The following EPB41 variants were observed in gnomAD, a reference collection of about 807,000 sequenced individuals.
The protein encoded by EPB41 is protein 4.1.
EPB41 carries 65 observed loss-of-function variants against 108.0 expected under a neutral mutation model. The ratio of observed to expected loss-of-function variants is 0.60; its 90% confidence interval spans 0.49 to 0.74. EPB41 has a LOEUF of 0.74. EPB41 is among the 30% of genes least tolerant of loss of function. The pLI is 0.00. For synonymous variants in EPB41, 336 were observed against 358.9 expected, an observed-to-expected ratio of 0.94 and a Z score of 0.72; for missense variants, 875 against 1,037.0, an observed-to-expected ratio of 0.84 and a Z score of 2.15.
intron 1 of EPB41, among the ~76,000 whole-genome samples, chr1:28,944,473 C>T (rs1170275839): frequency 6.6e-6 from 1 of 151,856 alleles, no homozygotes; most frequent in African/African-American, 2.4e-5. Context: ...TCTCACATAC[C>T]CCATAAATAT....
chr1:28,947,406 C>T (rs112996674), intron 1 of EPB41, among the ~76,000 whole-genome samples: 81 of 103,444 alleles, frequency 7.8e-4, no homozygotes, highest in African/African-American at 3.0e-3. Context: ...GACTCCGTCT[C>T]AGACAAACAA....
At chr1:29,011,716 A>G (rs966403352) in intron 4 of EPB41, 149 bp from the exon 5 acceptor site, 17 of 852,636 alleles carry the variant, frequency 2.0e-5, no homozygotes, top group South Asian at 9.2e-5. Flanking sequence ...CAAAATCACT[A>G]TGCTTTGTGA....
At chr1:29,109,063 T>G (rs1668265463) in intron 17 of EPB41, among the ~76,000 whole-genome samples, 1 of 151,734 alleles carries the variant, frequency 6.6e-6, no homozygotes, top group Non-Finnish European at 1.5e-5. Flanking sequence ...CCCGGTGTGG[T>G]GGTGCATGCC....
At chr1:28,934,538 A>G (rs892710413) in intron 1 of EPB41, among the ~76,000 whole-genome samples, 1 of 152,166 alleles carries the variant, frequency 6.6e-6, no homozygotes, top group Admixed American at 6.6e-5. Context: ...GTGTGGAGTC[A>G]TACTGATATG....
intron 11 of EPB41, among the ~76,000 whole-genome samples, chr1:29,043,116 CAAA>C (rs1642117744): frequency 1.3e-5 from 2 of 152,158 alleles, no homozygotes; most frequent in Non-Finnish European, 2.9e-5. Flanking sequence ...TCATTGGAAA[CAAA>C]GAAGAATAAA....
chr1:28,900,246 C>T lies in EPB41; in HGVS notation c.-8+13036C>T, dbSNP rs190407111. 4.0e-5 allele frequency among the ~76,000 whole-genome samples: 6 copies of T among 151,788 alleles called. No individual in the cohort carries two copies. In the East Asian group the frequency reaches 7.8e-4, roughly 20 times the overall value. On this transcript the variant is annotated intron_variant, in intron 1 of 16. Transcript: ENST00000347529. ...AGCAGAAAGGTGGAGTCAGACAGAG[C>T]TGCCTATTCTAGCTGTGTGATGTGG...
intron 4 of EPB41, among the ~76,000 whole-genome samples, chr1:29,004,858 G>A (rs2096370898): frequency 1.3e-5 from 2 of 152,138 alleles, no homozygotes; most frequent in Non-Finnish European, 2.9e-5. Context: ...CTTGAGTTAA[G>A]ACAGATAGAC....
chr1:28,980,172 C>G (rs1357534397), intron 1 of EPB41, among the ~76,000 whole-genome samples: 1 of 151,248 alleles, frequency 6.6e-6, no homozygotes, highest in Non-Finnish European at 1.5e-5. Context: ...CATCTGTCCC[C>G]AAAATACAAA....
intron 4 of EPB41, among the ~76,000 whole-genome samples, chr1:29,007,037 G>C (rs1165868341): frequency 1.3e-5 from 2 of 151,948 alleles, no homozygotes; most frequent in African/African-American, 4.8e-5. Context: ...CATTCATTAT[G>C]ATGTTTTTGA....
At chr1:29,045,141 C>T (rs1223872128) in intron 11 of EPB41, among the ~76,000 whole-genome samples, 1 of 152,098 alleles carries the variant, frequency 6.6e-6, no homozygotes, top group Non-Finnish European at 1.5e-5. Flanking sequence ...CTAAAAAAGT[C>T]TTAATACTTT....
chr1:28,894,819 C>A (rs1039267251), intron 1 of EPB41, among the ~76,000 whole-genome samples: 22 of 152,200 alleles, frequency 1.4e-4, no homozygotes, highest in African/African-American at 5.3e-4. Flanking sequence ...CATTTGGTAA[C>A]TTCCCAGCCC....
At chr1:28,892,924 C>T (rs375483760) in intron 1 of EPB41, among the ~76,000 whole-genome samples, 5 of 151,202 alleles carry the variant, frequency 3.3e-5, no homozygotes, top group East Asian at 3.9e-4. Context: ...GTGCCTTAGC[C>T]TCCTGAGTAG....
chr1:29,011,732 A>T, intron 4 of EPB41, 133 bp from the exon 5 acceptor site: 1 of 983,432 alleles, frequency 1.0e-6, no homozygotes, highest in Non-Finnish European at 1.5e-6. Flanking sequence ...TGTGAAATTA[A>T]TGCAAAGACT....
chr1:28,918,686 C>T (rs1316830551), intron 1 of EPB41, among the ~76,000 whole-genome samples: 1 of 152,256 alleles, frequency 6.6e-6, no homozygotes, highest in African/African-American at 2.4e-5. Context: ...CCGAGGCCCA[C>T]GGATCACTTG....
intron 8 of EPB41, among the ~76,000 whole-genome samples, chr1:29,031,055 C>T (rs1412221405): frequency 1.3e-5 from 2 of 152,020 alleles, no homozygotes; most frequent in East Asian, 3.9e-4. Flanking sequence ...GTGATCCGCC[C>T]GCCTCGGCCT....
chr1:29,007,147 A>G (rs1247988247), intron 4 of EPB41, among the ~76,000 whole-genome samples: 2 of 151,462 alleles, frequency 1.3e-5, no homozygotes, highest in East Asian at 3.9e-4. Flanking sequence ...GCTGGAGTGC[A>G]GTGGTACGAT....
At chr1:29,046,326 A>G (rs1643209737) in intron 11 of EPB41, among the ~76,000 whole-genome samples, 1 of 151,802 alleles carries the variant, frequency 6.6e-6, no homozygotes, top group Non-Finnish European at 1.5e-5. Flanking sequence ...ACGAGGTTTC[A>G]CCCTGTTGGT....
intron 1 of EPB41, among the ~76,000 whole-genome samples, chr1:28,902,663 G>C (rs371376800): frequency 6.6e-6 from 1 of 152,138 alleles, no homozygotes. Flanking sequence ...CTGGTACAGG[G>C]GGGTTCGTCA....
chr1:28,914,541 G>T (rs1005305389), upstream of EPB41: 4 of 151,452 alleles, frequency 2.6e-5, no homozygotes, highest in African/African-American at 9.7e-5. Context: ...CGGCGGGCGG[G>T]CTGCGGGCCG....
Sources: allele counts gnomAD v4.1 joint callset (sites outside exome capture counted in the v4.1 genomes callset), GRCh38; gene constraint gnomAD v4.1.1; transcripts MANE v1.5; gene names NCBI Gene and HGNC (gene_info 2026-07-23, HGNC 2026-07-21).